PRMT3: variants seen among roughly 807,000 people sequenced by gnomAD.
PRMT3 encodes the protein protein arginine methyltransferase 3.
In PRMT3, 62 loss-of-function variants were observed where a neutral mutation model predicts 71.9. That is an observed-to-expected ratio of 0.86 (90% CI 0.70 to 1.07). The LOEUF (loss-of-function observed/expected upper bound fraction) is 1.07. Ranked by LOEUF, PRMT3 falls within the 50% of genes least tolerant of loss-of-function variation. The probability of loss-of-function intolerance (pLI) is 0.00; values close to 1 mark genes in which losing one functional copy is unlikely to be tolerated. For synonymous variants in PRMT3, 213 were observed against 220.4 expected, an observed-to-expected ratio of 0.97 and a Z score of 0.30; for missense variants, 663 against 643.0, an observed-to-expected ratio of 1.03 and a Z score of -0.34.
chr11:20,450,436 G>C (rs1221243535), intron 10 of PRMT3, among the ~76,000 whole-genome samples: 1 of 152,110 alleles, frequency 6.6e-6, no homozygotes, highest in Non-Finnish European at 1.5e-5. Flanking sequence ...AGATTTCTTA[G>C]TTGAATCCCA....
At chr11:20,447,082 G>A (rs972011285) in intron 10 of PRMT3, among the ~76,000 whole-genome samples, 1 of 152,140 alleles carries the variant, frequency 6.6e-6, no homozygotes, top group Non-Finnish European at 1.5e-5. Context: ...TGCAGTAAAA[G>A]TGTTTAATAT....
Position 20,407,974 on chromosome 11 carries a change from A to G in PRMT3, c.835A>G (p.Lys279Glu), listed in dbSNP as rs1232884447. The stretch of plus-strand genomic sequence containing the variant: ...TATGTTTGCTGCTAAAGCTGGGGCG[A>G]AGAAGGTTCTTGGAGTTGATCAATC... ...LSMFAAKAGAKKVLGVDQSEI... is the reference protein window; with the variant it reads ...LSMFAAKAGAEKVLGVDQSEI... Residue 279 changes from lysine to glutamate, a missense_variant, in exon 9 of 16, where the codon AAG (lysine) becomes GAG (glutamate). Coordinates refer to ENST00000331079, the MANE Select transcript of PRMT3 (RefSeq NM_005788.4). The G allele has an allele frequency of 3.1e-6, 5 of 1,606,554 alleles. No individual in the cohort carries two copies. The highest frequency in any genetic ancestry group is 4.3e-6 in the Non-Finnish European group (5 of 1,173,396).
intron 13 of PRMT3, among the ~76,000 whole-genome samples, chr11:20,471,628 T>C (rs1001391928): frequency 2.0e-5 from 3 of 152,190 alleles, no homozygotes; most frequent in African/African-American, 4.8e-5. Flanking sequence ...TATGCTATAG[T>C]TTGCAGTTGG....
intron 13 of PRMT3, among the ~76,000 whole-genome samples, chr11:20,488,734 A>G (rs2133445816): frequency 6.6e-6 from 1 of 152,338 alleles, no homozygotes; most frequent in South Asian, 2.1e-4. Flanking sequence ...CCATCCTATT[A>G]CATACACACA....
chr11:20,443,473 G>A lies in PRMT3; in HGVS notation c.994-8657G>A, dbSNP rs116501981. Among the ~76,000 whole-genome samples the A allele has an allele frequency of 9.6e-3, 1,460 of 152,296 alleles. 18 individuals are homozygous for A. Among genetic ancestry groups the A allele is most frequent in the African/African-American group, 0.033 (1,389 of 41,556 alleles). ...TTGACTACATGGAGAATTACAAGAA[G>A]CCAAACTATCAATGACACATAATAA... On this transcript the variant is annotated intron_variant, in intron 10 of 15. Transcript: ENST00000331079.
rs989917124 is a variant in PRMT3, at chr11:20,388,000, T to G, written c.29-19T>G. On this transcript the variant is annotated intron_variant, in intron 1 of 15. Transcript: ENST00000331079. The surrounding 1 kb of genome is among the most constrained non-coding windows in gnomAD (Gnocchi z 4.3). ...CACCGGTGTCCGAGGCCGATCTGAT[T>G]GTTGTGTGTGTGTGTTAGGCGGCCG... is the stretch of plus-strand genomic sequence containing the variant. The G allele has an allele frequency of 6.2e-7, 1 of 1,613,134 alleles. No homozygotes were observed. Among genetic ancestry groups the G allele is most frequent in the South Asian group, 1.1e-5 (1 of 91,060 alleles).
chr11:20,465,010 G>GA (rs1473287152), intron 13 of PRMT3, among the ~76,000 whole-genome samples: 1 of 152,148 alleles, frequency 6.6e-6, no homozygotes, highest in African/African-American at 2.4e-5. Flanking sequence ...TAGTCTAATA[G>GA]AAAAAATCCT....
rs199847117 is a variant in PRMT3 at position 20,437,840 on chromosome 11, C to T, written c.993+10975C>T. Among the ~76,000 whole-genome samples, 8 of 152,170 alleles carry T rather than the reference C, an allele frequency of 5.3e-5. No individual in the cohort carries two copies. In the East Asian group the frequency reaches 5.8e-4, roughly 11 times the overall value. On this transcript the variant is annotated intron_variant, in intron 10 of 15. Transcript: ENST00000331079. ...TCCTGACCTCGTGATCCGCCCGCCTCGGCCTCCCAAAGTGCTGGGATTACA... is the reference window on the plus strand; with the variant it reads ...TCCTGACCTCGTGATCCGCCCGCCTTGGCCTCCCAAAGTGCTGGGATTACA...
intron 9 of PRMT3, among the ~76,000 whole-genome samples, chr11:20,411,248 T>C (rs1430081202): frequency 6.6e-6 from 1 of 152,106 alleles, no homozygotes; most frequent in African/African-American, 2.4e-5. Flanking sequence ...GGATCCTCTG[T>C]CTGTAATCAT....
intron 10 of PRMT3, among the ~76,000 whole-genome samples, chr11:20,440,415 G>A (rs974869040): frequency 6.6e-6 from 1 of 151,206 alleles, no homozygotes; most frequent in Non-Finnish European, 1.5e-5. Context: ...GGAGGCCAAG[G>A]CGGGCGAATC....
intron 10 of PRMT3, among the ~76,000 whole-genome samples, chr11:20,428,162 G>C (rs928130758): frequency 6.6e-6 from 1 of 151,914 alleles, no homozygotes; most frequent in African/African-American, 2.4e-5. Flanking sequence ...CAAAGAATTT[G>C]TATCAGCACT....
chr11:20,398,862 A>C (rs1286558583), intron 7 of PRMT3, among the ~76,000 whole-genome samples: 1 of 152,210 alleles, frequency 6.6e-6, no homozygotes, highest in African/African-American at 2.4e-5. Context: ...TGATGTTCAC[A>C]CAACAACACA....
rs753879970 is a variant in PRMT3 at position 20,462,000 on chromosome 11, A to G, written c.1093A>G (p.Ile365Val). The change falls in exon 12 of 16, where the codon ATC becomes GTC. Residue 365 changes from isoleucine (I) to valine (V), a missense_variant. By Grantham distance (29) the Ile-to-Val change is conservative. Transcript: ENST00000331079. ...TACAGTCTACCCTGACATTTGCACTATCAGCCTTGTAGCAGTGAGTGATGT... is the reference window on the plus strand; with the variant it reads ...TACAGTCTACCCTGACATTTGCACTGTCAGCCTTGTAGCAGTGAGTGATGT... ...GGSVYPDICTISLVAVSDVNK... is the reference protein window; with the variant it reads ...GGSVYPDICTVSLVAVSDVNK... The G allele has an allele frequency of 1.1e-5, 18 of 1,591,618 alleles. No homozygotes were observed. In the South Asian group the frequency reaches 1.1e-4, roughly 10 times the overall value.
At chr11:20,437,276 A>C (rs1849780308) in intron 10 of PRMT3, among the ~76,000 whole-genome samples, 1 of 151,178 alleles carries the variant, frequency 6.6e-6, no homozygotes, top group African/African-American at 2.4e-5. Flanking sequence ...TTCTGCTCTG[A>C]CCTTTGTTAT....
Position 20,508,488 on chromosome 11 carries a change from T to A in PRMT3, c.*75T>A, listed in dbSNP as rs1565245878. 1 of 1,018,274 alleles carries A rather than the reference T, an allele frequency of 9.8e-7. No individual in the cohort carries two copies. Among genetic ancestry groups the A allele is most frequent in the Admixed American group, 1.7e-5 (1 of 57,920 alleles). The allele number at this position is 1,018,274 out of a possible 1,614,324, so 63.1% of individuals were successfully genotyped here. On this transcript the variant is annotated 3_prime_UTR_variant, in exon 16 of 16. Coordinates refer to ENST00000331079, the MANE Select transcript of PRMT3 (RefSeq NM_005788.4). ...TGGGTCAGCAGGAGGGAGCTGGTTT[T>A]ATGTGAGCAGATGGATGGATGATGG...
rs77438445 is a variant in PRMT3, at chr11:20,422,585, T to G, written c.894-4181T>G. Among the ~76,000 whole-genome samples, 972 of 152,280 alleles carry G rather than the reference T, an allele frequency of 6.4e-3. 8 individuals are homozygous for G. Among genetic ancestry groups the G allele is most frequent in the African/African-American group, 0.023 (946 of 41,556 alleles). On this transcript the variant is annotated intron_variant, in intron 9 of 15. Coordinates refer to ENST00000331079, the MANE Select transcript of PRMT3 (RefSeq NM_005788.4). Reference sequence around the variant, plus strand: ...ATTCCCTATCAGTCCACTAGCAGGTTCTCTAAATCTTGCCATTTCCTACCG... The same window carrying G: ...ATTCCCTATCAGTCCACTAGCAGGTGCTCTAAATCTTGCCATTTCCTACCG...
intron 4 of PRMT3, 117 bp downstream of exon 4, chr11:20,392,377 C>CA: frequency 9.2e-7 from 1 of 1,082,524 alleles, no homozygotes. Context: ...TGGTACTCAT[C>CA]ATATTGGGGG....
intron 8 of PRMT3, among the ~76,000 whole-genome samples, chr11:20,404,140 G>A (rs1214923918): frequency 1.7e-5 from 2 of 120,086 alleles, no homozygotes; most frequent in South Asian, 3.4e-4. Flanking sequence ...AAAAATTATA[G>A]TTATCAGTTT....
chr11:20,431,429 A>C (rs1849652854), intron 10 of PRMT3, among the ~76,000 whole-genome samples: 1 of 152,182 alleles, frequency 6.6e-6, no homozygotes. Context: ...TTTCTGGCAC[A>C]TAAGATCTCA....
Sources: gnomAD v4.1 joint callset for allele counts (sites outside exome capture counted in the v4.1 genomes callset) on GRCh38, gnomAD v4.1.1 for gene constraint, Gnocchi (gnomAD v3.1) non-coding constraint, MANE v1.5 for transcripts, NCBI Gene and HGNC (gene_info 2026-07-23, HGNC 2026-07-21) for gene names.